The following SLC27A1 variants were observed in gnomAD, a reference collection of about 807,000 sequenced individuals.
SLC27A1 encodes the protein long-chain fatty acid transport protein 1.
SLC27A1 carries 61 observed loss-of-function variants against 62.2 expected under a neutral mutation model. The ratio of observed to expected loss-of-function variants is 0.98; its 90% CI spans 0.80 to 1.21. The LOEUF (loss-of-function observed/expected upper bound fraction) is 1.21, where lower values mean the gene tolerates loss of function less well. Among genes scored for constraint, SLC27A1 ranks in the 50% most tolerant of loss-of-function variants. The probability of loss-of-function intolerance (pLI) is 0.00; values close to 1 mark genes in which losing one functional copy is unlikely to be tolerated. For missense variants in SLC27A1, 903 were observed against 932.1 expected (o/e 0.97, Z 0.41); for synonymous variants, 435 against 408.6 (o/e 1.06, Z -0.78).
At chr19:17,487,633 C>A in intron 4 of SLC27A1, 104 bp downstream of exon 4, 1 of 1,175,604 alleles carries the variant, frequency 8.5e-7, no homozygotes, top group Non-Finnish European at 1.2e-6. Flanking sequence ...CCATGTTACC[C>A]TGGGGACAGA....
In SLC27A1 at chr19:17,486,819, G is replaced by T. The variant is rs780986259; in HGVS notation, c.424G>T (p.Val142Leu). The change falls in exon 2 of 12, where the codon GTG becomes TTG. Residue 142 changes from valine (V) to leucine (L), a missense_variant. Transcript: ENST00000252595. This position sits in a 1 kb window ranked among gnomAD's most constrained non-coding sequence, Gnocchi z 6.6. Reference sequence around the variant, plus strand: ...CTTCCTGGAGGGCCGGCCGGAGTTCGTGGGGCTGTGGCTGGGCCTGGCCAA... The same window carrying T: ...CTTCCTGGAGGGCCGGCCGGAGTTCTTGGGGCTGTGGCTGGGCCTGGCCAA... Reference protein sequence around the residue: ...AIFLEGRPEFVGLWLGLAKAG... With the variant: ...AIFLEGRPEFLGLWLGLAKAG... 2.5e-6 allele frequency: 4 copies of T among 1,594,300 alleles called. No homozygotes were observed. Among genetic ancestry groups the T allele is most frequent in the Non-Finnish European group, 1.7e-6 (2 of 1,173,626 alleles).
intron 1 of SLC27A1, among the ~76,000 whole-genome samples, chr19:17,484,326 GCCCACGCCTGTAA>G (rs1029912040): frequency 6.6e-6 from 1 of 152,192 alleles, no homozygotes; most frequent in Non-Finnish European, 1.5e-5. Context: ...AGATGCGGTG[GCCCACGCCTGTAA>G]TCCCAGCACA....
rs1428281749 is a variant in SLC27A1 at position 17,505,615 on chromosome 19, CCT to C, written c.*1004_*1005del. 3 of 153,170 alleles carry C rather than the reference CCT, an allele frequency of 2.0e-5. No individual in the cohort carries two copies. Among genetic ancestry groups the C allele is most frequent in the African/African-American group, 4.8e-5 (2 of 41,484 alleles). 9.5% of individuals were successfully genotyped at this position (153,170 alleles called of 1,614,324 possible). On this transcript the variant is annotated 3_prime_UTR_variant, in exon 12 of 12. Transcript: ENST00000252595. Reference sequence around the variant, plus strand: ...CACTTGGATGTCACCACTGTCAGCCCCTGCCTTGATGTCCCCATTTAGCCATC... The same window carrying C: ...CACTTGGATGTCACCACTGTCAGCCCGCCTTGATGTCCCCATTTAGCCATC...
chr19:17,500,956 C>T (rs1048837722), intron 10 of SLC27A1, 80 bp downstream of exon 10: 35 of 1,430,910 alleles, frequency 2.4e-5, no homozygotes, highest in Non-Finnish European at 3.1e-5. Flanking sequence ...AGTACACATG[C>T]CTTTGGGCAG....
intron 6 of SLC27A1, among the ~76,000 whole-genome samples, chr19:17,490,800 G>T (rs12982623): frequency 0.28 from 42,445 of 151,996 alleles, 7,496 homozygotes; most frequent in Non-Finnish European, 0.39. Context: ...GGCTGAGATG[G>T]GCAGATCACT....
At chr19:17,477,940 C>G (rs2075140810) in intron 1 of SLC27A1, among the ~76,000 whole-genome samples, 1 of 152,066 alleles carries the variant, frequency 6.6e-6, no homozygotes, top group Non-Finnish European at 1.5e-5. Context: ...CCTCGAACTC[C>G]TGGCCTCAAA....
At chr19:17,479,500 C>T (rs2075155443) in intron 1 of SLC27A1, among the ~76,000 whole-genome samples, 1 of 152,220 alleles carries the variant, frequency 6.6e-6, no homozygotes, top group African/African-American at 2.4e-5. Flanking sequence ...CTGCTTAGGG[C>T]GTTTGGTGTT....
rs145773426 is a variant in SLC27A1, at chr19:17,500,770, C to T, written c.1530C>T (p.Asp510=). The T allele has an allele frequency of 3.9e-4, 637 of 1,613,304 alleles. No homozygotes were observed. Among genetic ancestry groups the T allele is most frequent in the Non-Finnish European group, 5.2e-4 (617 of 1,179,844 alleles). The change falls in exon 10 of 12, where the codon GAC becomes GAT. Residue 510 remains aspartate, a synonymous_variant. Transcript: ENST00000252595. The part of the protein sequence containing the change: ...GYMYFRDRSG[D]TFRWRGENVS... ...TGTACTTCCGGGACCGTAGCGGGGACACCTTCCGCTGGCGAGGGGAGAACG... is the reference window on the plus strand; with the variant it reads ...TGTACTTCCGGGACCGTAGCGGGGATACCTTCCGCTGGCGAGGGGAGAACG...
chr19:17,475,504 C>T (rs1214180156), intron 1 of SLC27A1, among the ~76,000 whole-genome samples: 1 of 152,084 alleles, frequency 6.6e-6, no homozygotes. Flanking sequence ...CACTGCACTC[C>T]AGCCTGGGTG....
At chr19:17,504,424 A>G (rs2075452687) in intron 11 of SLC27A1, 31 bp from the exon 12 acceptor site, 1 of 1,613,800 alleles carries the variant, frequency 6.2e-7, no homozygotes, top group Non-Finnish European at 8.5e-7. Flanking sequence ...CCACCTGCTC[A>G]GCCCTTATCT....
intron 1 of SLC27A1, among the ~76,000 whole-genome samples, chr19:17,479,592 AT>A (rs2075156183): frequency 6.6e-6 from 1 of 152,044 alleles, no homozygotes; most frequent in Non-Finnish European, 1.5e-5. Context: ...CAAACTTTTT[AT>A]TTTTTAAATT....
chr19:17,476,894 T>TG (rs1480526714), intron 1 of SLC27A1, among the ~76,000 whole-genome samples: 1 of 149,842 alleles, frequency 6.7e-6, no homozygotes, highest in African/African-American at 2.4e-5. Context: ...TTTTTTTTTT[T>TG]TTTTTTTTTT....
intron 11 of SLC27A1, chr19:17,503,504 G>C (rs1437974727): frequency 6.6e-6 from 1 of 151,970 alleles, no homozygotes; most frequent in African/African-American, 2.4e-5. Flanking sequence ...CTGTTGTCCA[G>C]GCTGGAATGC....
chr19:17,503,866 AGGTT>A (rs1874646993), intron 11 of SLC27A1, among the ~76,000 whole-genome samples: 1 of 126,938 alleles, frequency 7.9e-6, no homozygotes, highest in African/African-American at 3.0e-5. Context: ...CAGGAGGTGG[AGGTT>A]GCAGTGAGCC....
chr19:17,479,035 C>T (rs73519979), intron 1 of SLC27A1, among the ~76,000 whole-genome samples: 4,480 of 151,702 alleles, frequency 0.03, 217 homozygotes, highest in African/African-American at 0.098. Context: ...AGTTTGAGGC[C>T]GTAGTGAGTT....
In SLC27A1 at chr19:17,497,357, C is replaced by A; in HGVS notation, c.1099C>A (p.Arg367Ser). Residue 367 changes from arginine to serine, a missense_variant, in exon 7 of 12, where the codon CGT (arginine) becomes AGT (serine). Transcript: ENST00000252595. ...GCGCCTGGCGGTGGGGAACGGGCTG[C>A]GTCCTGCCATCTGGGAGGAGTTCAC... ...RVRLAVGNGLRPAIWEEFTER... is the reference protein window; with the variant it reads ...RVRLAVGNGLSPAIWEEFTER... The A allele has an allele frequency of 6.2e-7, 1 of 1,601,690 alleles. No individual in the cohort carries two copies. Among genetic ancestry groups the A allele is most frequent in the Non-Finnish European group, 8.5e-7 (1 of 1,176,388 alleles).
At chr19:17,482,965 T>C (rs1448981573) in intron 1 of SLC27A1, among the ~76,000 whole-genome samples, 1 of 151,650 alleles carries the variant, frequency 6.6e-6, no homozygotes, top group Admixed American at 6.6e-5. Flanking sequence ...ACAATGCCAA[T>C]GAATGATGGA....
intron 6 of SLC27A1, among the ~76,000 whole-genome samples, chr19:17,491,689 T>C (rs1163234621): frequency 6.6e-6 from 1 of 151,592 alleles, no homozygotes; most frequent in African/African-American, 2.4e-5. Context: ...CTGGGCAACA[T>C]AGTGAGTCCC....
chr19:17,485,584 C>T (rs2144572170), intron 1 of SLC27A1, among the ~76,000 whole-genome samples: 1 of 151,968 alleles, frequency 6.6e-6, no homozygotes, highest in South Asian at 2.1e-4. Context: ...AATTCCAATA[C>T]TTTGGGAGGC....
Sources: allele counts gnomAD v4.1 joint callset (sites outside exome capture counted in the v4.1 genomes callset), GRCh38; gene constraint gnomAD v4.1.1; non-coding constraint Gnocchi (gnomAD v3.1); transcripts MANE v1.5; gene names NCBI Gene and HGNC (gene_info 2026-07-23, HGNC 2026-07-21).